PPP2R2B: variants seen among roughly 807,000 people sequenced by gnomAD.
PPP2R2B encodes protein phosphatase 2 regulatory subunit Bbeta, also known as serine/threonine-protein phosphatase 2A 55 kDa regulatory subunit B beta isoform.
In PPP2R2B, 5 loss-of-function variants were observed where a neutral mutation model predicts 46.0. That is an observed-to-expected ratio of 0.11 (90% CI 0.06 to 0.23). The LOEUF (loss-of-function observed/expected upper bound fraction) is 0.23, where lower values mean the gene tolerates loss of function less well. Ranked by LOEUF, PPP2R2B falls within the 10% of genes least tolerant of loss-of-function variation. The pLI is 1.00. For missense variants in PPP2R2B, 367 were observed against 575.0 expected (o/e 0.64, Z 3.70); for synonymous variants, 215 against 206.7 (o/e 1.04, Z -0.34).
chr5:147,012,265 T>C (rs1468126447), intron 1 of PPP2R2B, among the ~76,000 whole-genome samples: 1 of 152,200 alleles, frequency 6.6e-6, no homozygotes, highest in Non-Finnish European at 1.5e-5. Context: ...ATCCTGTTAT[T>C]GGTCTATTCA....
At chr5:146,724,057 A>G (rs1211072942) in intron 2 of PPP2R2B, among the ~76,000 whole-genome samples, 1 of 152,142 alleles carries the variant, frequency 6.6e-6, no homozygotes. Context: ...TAGATTCTCA[A>G]TATATATTTG....
intron 2 of PPP2R2B, among the ~76,000 whole-genome samples, chr5:146,865,277 C>G (rs945547961): frequency 7.1e-6 from 1 of 141,198 alleles, no homozygotes; most frequent in Non-Finnish European, 1.5e-5. Flanking sequence ...CTCCATTCAT[C>G]TCTCTCTTTG....
At chr5:146,686,415 G>A (rs1262943669) in intron 5 of PPP2R2B, among the ~76,000 whole-genome samples, 1 of 152,168 alleles carries the variant, frequency 6.6e-6, no homozygotes, top group Non-Finnish European at 1.5e-5. Flanking sequence ...CTTGAGCAGA[G>A]ACTGAAATGA....
chr5:146,842,478 GC>G (rs1398388860), intron 2 of PPP2R2B, among the ~76,000 whole-genome samples: 3 of 136,404 alleles, frequency 2.2e-5, no homozygotes, highest in African/African-American at 3.1e-5. Context: ...ATACCTCCAT[GC>G]CCTTTTTTTT....
chr5:146,863,742 T>C (rs1384446060), intron 2 of PPP2R2B, among the ~76,000 whole-genome samples: 1 of 152,164 alleles, frequency 6.6e-6, no homozygotes, highest in Non-Finnish European at 1.5e-5. Flanking sequence ...ATAAACTTTT[T>C]TAAATTAAAA....
chr5:146,635,096 C>T (rs556982296), intron 7 of PPP2R2B, among the ~76,000 whole-genome samples: 100 of 152,236 alleles, frequency 6.6e-4, no homozygotes, highest in African/African-American at 2.3e-3. Context: ...GGATCTCACA[C>T]ACATGAAATT....
intron 2 of PPP2R2B, among the ~76,000 whole-genome samples, chr5:146,874,357 T>C (rs2151415514): frequency 6.6e-6 from 1 of 152,346 alleles, no homozygotes; most frequent in East Asian, 1.9e-4. Flanking sequence ...AATAGTAAAC[T>C]TGTTCTTCCT....
chr5:147,055,818 G>T, exon 1 of PPP2R2B: 1 of 1,539,394 alleles, frequency 6.5e-7, no homozygotes, highest in Non-Finnish European at 8.7e-7. Flanking sequence ...GGCCTTTTAA[G>T]CTGGCTACAT....
At chr5:146,800,637 G>A (rs537136532) in intron 2 of PPP2R2B, among the ~76,000 whole-genome samples, 1 of 148,312 alleles carries the variant, frequency 6.7e-6, no homozygotes, top group African/African-American at 2.5e-5. Context: ...TTTGGGGGGT[G>A]GGGGGGTGGA....
At chr5:146,652,574 A>G (rs980905955) in intron 5 of PPP2R2B, among the ~76,000 whole-genome samples, 5 of 152,192 alleles carry the variant, frequency 3.3e-5, no homozygotes, top group Non-Finnish European at 5.9e-5. Context: ...AATGTGAAAG[A>G]TGGGTAGGGA....
In PPP2R2B at chr5:146,587,746, A is replaced by ATGTT. The variant is rs1213505554; in HGVS notation, c.*2197_*2200dup. On this transcript the variant is annotated 3_prime_UTR_variant, in exon 10 of 10. Transcript: ENST00000394411. ...TGTTACATTGATAATTATGTGATTA[A>ATGTT]TGTTAGGGAAAAACCTAGCATATCA... 1 of 152,198 alleles carries ATGTT rather than the reference A, an allele frequency of 6.6e-6. No individual in the cohort carries two copies. The highest frequency in any genetic ancestry group is 2.4e-5 in the African/African-American group (1 of 41,444). 9.4% of individuals were successfully genotyped at this position (152,198 alleles called of 1,614,324 possible).
intron 2 of PPP2R2B, among the ~76,000 whole-genome samples, chr5:146,767,045 CAAAAAA>C (rs10605079): frequency 4.3e-5 from 2 of 46,298 alleles, no homozygotes; most frequent in Non-Finnish European, 6.7e-5. Flanking sequence ...AGAAGTGTCT[CAAAAAA>C]AAAAAAAAAA....
intron 2 of PPP2R2B, among the ~76,000 whole-genome samples, chr5:146,746,486 A>C (rs1189433238): frequency 2.0e-5 from 3 of 152,220 alleles, no homozygotes; most frequent in Non-Finnish European, 4.4e-5. Context: ...GACATATTCC[A>C]GAGGAGAAAG....
At chr5:146,657,089 G>A (rs1230917144) in intron 5 of PPP2R2B, among the ~76,000 whole-genome samples, 1 of 152,196 alleles carries the variant, frequency 6.6e-6, no homozygotes, top group Non-Finnish European at 1.5e-5. Context: ...GGGTCACAGT[G>A]CCTTGCTTCA....
intron 2 of PPP2R2B, among the ~76,000 whole-genome samples, chr5:146,828,252 T>A (rs778499554): frequency 1.4e-5 from 2 of 144,410 alleles, no homozygotes; most frequent in Non-Finnish European, 3.0e-5. Flanking sequence ...ATATTACTTT[T>A]ACTTTTTTTA....
chr5:146,844,022 C>T (rs569085249), intron 2 of PPP2R2B, among the ~76,000 whole-genome samples: 135 of 152,034 alleles, frequency 8.9e-4, no homozygotes, highest in African/African-American at 3.0e-3. Flanking sequence ...TGAGGAATCG[C>T]CACACTGACT....
intron 2 of PPP2R2B, chr5:146,707,008 T>C: frequency 1.0e-6 from 1 of 991,638 alleles, no homozygotes. Flanking sequence ...AATGTAAGCT[T>C]CATCCACATC....
At chr5:147,021,046 T>A (rs1755237986) in intron 1 of PPP2R2B, among the ~76,000 whole-genome samples, 1 of 152,162 alleles carries the variant, frequency 6.6e-6, no homozygotes, top group Non-Finnish European at 1.5e-5. Context: ...GAAACAATAC[T>A]TTTTTGACTT....
chr5:146,726,462 TAAC>T (rs1036974411), intron 2 of PPP2R2B, among the ~76,000 whole-genome samples: 1 of 152,206 alleles, frequency 6.6e-6, no homozygotes, highest in African/African-American at 2.4e-5. Flanking sequence ...CCCTGATTAT[TAAC>T]AATAGTGACC....
Sources: gnomAD v4.1 joint callset for allele counts (sites outside exome capture counted in the v4.1 genomes callset) on GRCh38, gnomAD v4.1.1 for gene constraint, MANE v1.5 for transcripts, NCBI Gene and HGNC (gene_info 2026-07-23, HGNC 2026-07-21) for gene names.